AOPEP: variants seen among roughly 807,000 people sequenced by gnomAD.
The protein encoded by AOPEP is aminopeptidase O.
AOPEP carries 77 observed loss-of-function variants against 98.1 expected under a neutral mutation model. That is an observed-to-expected ratio of 0.78 (90% confidence interval 0.65 to 0.95). The LOEUF is 0.95. Among genes scored for constraint, AOPEP ranks in the 40% least tolerant of loss-of-function variants. The probability of loss-of-function intolerance (pLI) is 0.00; values close to 1 mark genes in which losing one functional copy is unlikely to be tolerated. For synonymous variants in AOPEP, 346 were observed against 365.3 expected (o/e 0.95, Z 0.60); for missense variants, 1,024 against 1,024.7 (o/e 1.00, Z 0.01).
chr9:94,966,854 G>A (rs10993413), intron 9 of AOPEP, among the ~76,000 whole-genome samples: 10,668 of 152,168 alleles, frequency 0.07, 555 homozygotes, highest in South Asian at 0.25. Flanking sequence ...CTGGAAAAGG[G>A]GGTCACAATA....
chr9:94,865,618 A>C (rs1198415228), intron 5 of AOPEP, among the ~76,000 whole-genome samples: 1 of 152,192 alleles, frequency 6.6e-6, no homozygotes, highest in African/African-American at 2.4e-5. Context: ...GTAGGGTGGA[A>C]ATGCCTTTTG....
chr9:95,122,943 C>T, the AOPEP span, among the ~76,000 whole-genome samples: 8 of 152,140 alleles, frequency 5.3e-5, no homozygotes, highest in African/African-American at 1.7e-4. Context: ...CCATGGATAG[C>T]GCAGCTTGCT....
rs1275191355 is a variant in AOPEP at position 94,924,021 on chromosome 9, C to CA, written c.1401dup (p.Gly468ArgfsTer13). The CA allele has an allele frequency of 6.7e-7, 1 of 1,490,420 alleles. No individual in the cohort carries two copies. Among genetic ancestry groups the CA allele is most frequent in the Non-Finnish European group, 9.0e-7 (1 of 1,116,900 alleles). 92.3% of individuals were successfully genotyped at this position (1,490,420 alleles called of 1,614,324 possible). ...ATGTTCCTCTCTCAGAGCATCTTGACAGGAGGGAACCATCTCTGTGGGACC... is the reference window on the plus strand; with the variant it reads ...ATGTTCCTCTCTCAGAGCATCTTGACAAGGAGGGAACCATCTCTGTGGGACC... On this transcript the variant is annotated frameshift_variant, in exon 6 of 17. Coordinates refer to ENST00000375315, the MANE Select transcript of AOPEP (RefSeq NM_001193329.3). LOFTEE classifies it high-confidence loss of function.
chr9:94,991,605 A>G (rs1280407844), intron 11 of AOPEP, among the ~76,000 whole-genome samples: 2 of 152,218 alleles, frequency 1.3e-5, no homozygotes, highest in Non-Finnish European at 2.9e-5. Flanking sequence ...TGAGTAGATA[A>G]TAAAGGAGTA....
intron 15 of AOPEP, among the ~76,000 whole-genome samples, chr9:95,081,442 C>G (rs566229252): frequency 6.6e-6 from 1 of 152,310 alleles, no homozygotes; most frequent in East Asian, 1.9e-4. Context: ...AGTGGCCTGT[C>G]AAGCACTGTG....
chr9:94,919,961 G>A (rs1278479431), intron 5 of AOPEP, among the ~76,000 whole-genome samples: 1 of 152,178 alleles, frequency 6.6e-6, no homozygotes, highest in African/African-American at 2.4e-5. Flanking sequence ...ATAAATGTAA[G>A]TCTGTATGAT....
At chr9:94,989,353 T>C (rs10993440) in intron 11 of AOPEP, among the ~76,000 whole-genome samples, 10,246 of 151,998 alleles carry the variant, frequency 0.067, 829 homozygotes, top group African/African-American at 0.19. Context: ...CCGCCCACCT[T>C]GGCCTCCCAA....
intron 3 of AOPEP, among the ~76,000 whole-genome samples, chr9:94,774,922 TTA>T (rs760927891): frequency 6.6e-6 from 1 of 152,218 alleles, no homozygotes; most frequent in Non-Finnish European, 1.5e-5. Flanking sequence ...TCACATGTCC[TTA>T]TATGTTTCTT....
intron 5 of AOPEP, among the ~76,000 whole-genome samples, chr9:94,843,834 C>T (rs1402975498): frequency 1.3e-5 from 2 of 152,186 alleles, no homozygotes. Flanking sequence ...TGGTTTCCCT[C>T]AAATATACCT....
intron 5 of AOPEP, among the ~76,000 whole-genome samples, chr9:94,903,656 C>CTGGGTG (rs947051149): frequency 6.6e-6 from 1 of 150,562 alleles, no homozygotes; most frequent in African/African-American, 2.4e-5. Context: ...TCAAGTTTGC[C>CTGGGTG]TGGGTGTGGT....
At chr9:94,982,454 C>T (rs369724749) in intron 11 of AOPEP, among the ~76,000 whole-genome samples, 2 of 152,062 alleles carry the variant, frequency 1.3e-5, no homozygotes, top group Non-Finnish European at 2.9e-5. Context: ...AGCATGTAGG[C>T]GCACATTCTT....
chr9:94,949,854 C>CG (rs1395791465), intron 7 of AOPEP, among the ~76,000 whole-genome samples: 1 of 152,208 alleles, frequency 6.6e-6, no homozygotes, highest in Non-Finnish European at 1.5e-5. Flanking sequence ...CTTCGTGGAG[C>CG]GGTGTAGACC....
intron 2 of AOPEP, among the ~76,000 whole-genome samples, chr9:94,765,480 A>ATAATAATAATAATAAT (rs55778359): frequency 6.7e-6 from 1 of 148,272 alleles, no homozygotes; most frequent in Non-Finnish European, 1.5e-5. Flanking sequence ...AATAATAATA[A>ATAATAATAATAATAAT]GTCACAGCTA....
At chr9:94,871,896 A>G (rs1465391616) in intron 5 of AOPEP, among the ~76,000 whole-genome samples, 1 of 151,980 alleles carries the variant, frequency 6.6e-6, no homozygotes, top group Admixed American at 6.6e-5. Context: ...AGTCCCAGCT[A>G]CTCGGGAGGC....
chr9:94,859,139 T>TG (rs1203749946), intron 5 of AOPEP, among the ~76,000 whole-genome samples: 1 of 152,020 alleles, frequency 6.6e-6, no homozygotes, highest in Non-Finnish European at 1.5e-5. Flanking sequence ...CACAAGAGCT[T>TG]GTTTTCCCTC....
At chr9:95,045,184 C>G (rs1030037669) in intron 13 of AOPEP, among the ~76,000 whole-genome samples, 7 of 152,244 alleles carry the variant, frequency 4.6e-5, no homozygotes, top group African/African-American at 1.7e-4. Context: ...CCCCTAGCGT[C>G]TGCGAAATCA....
At chr9:95,017,338 A>T (rs1465217874) in intron 13 of AOPEP, among the ~76,000 whole-genome samples, 1 of 152,202 alleles carries the variant, frequency 6.6e-6, no homozygotes, top group Non-Finnish European at 1.5e-5. Flanking sequence ...GGTAGAGCCT[A>T]TTGCTCCTAC....
intron 9 of AOPEP, among the ~76,000 whole-genome samples, chr9:94,957,550 C>A (rs971345674): frequency 6.6e-6 from 1 of 152,152 alleles, no homozygotes; most frequent in African/African-American, 2.4e-5. Flanking sequence ...TTCATAGCAA[C>A]TTTATTGAGA....
intron 9 of AOPEP, among the ~76,000 whole-genome samples, chr9:94,958,095 T>C (rs1227245069): frequency 6.6e-6 from 1 of 152,200 alleles, no homozygotes; most frequent in African/African-American, 2.4e-5. Flanking sequence ...TTTCTGTCTC[T>C]GTGAGTTTGA....
Sources: allele counts gnomAD v4.1 joint callset (sites outside exome capture counted in the v4.1 genomes callset), GRCh38; gene constraint gnomAD v4.1.1; transcripts MANE v1.5; gene names NCBI Gene and HGNC (gene_info 2026-07-23, HGNC 2026-07-21).